Variants in REG4 observed in about 807,000 individuals in gnomAD.
REG4 encodes the protein regenerating family member 4.
In REG4, 16 loss-of-function variants were observed where a neutral mutation model predicts 22.3. That is an observed-to-expected ratio of 0.72 (90% CI 0.49 to 1.09). REG4 has a LOEUF of 1.09. REG4 is among the 50% of genes least tolerant of loss of function. The pLI is 0.00. For missense variants in REG4, 214 were observed against 193.9 expected, an observed-to-expected ratio of 1.10 and a Z score of -0.61; for synonymous variants, 71 against 69.2, an observed-to-expected ratio of 1.03 and a Z score of -0.13.
Position 119,802,600 on chromosome 1 carries a change from T to C in REG4, c.165+468A>G, listed in dbSNP as rs1654144465. The stretch of plus-strand genomic sequence containing the variant: ...ATAAAATGGACAGGTTTGTGGACTG[T>C]GTAGAGCAGCGGAAAAGTTTCCACA... On this transcript the variant is annotated intron_variant, in intron 3 of 5. Transcript: ENST00000256585. The C allele has an allele frequency of 1.3e-5, 17 of 1,325,548 alleles. No homozygotes were observed. The East Asian group carries it at 5.1e-4, about 40-fold the overall frequency. 82.1% of individuals were successfully genotyped at this position (1,325,548 alleles called of 1,614,324 possible).
chr1:119,794,160 C>T lies in REG4; in HGVS notation c.*458G>A, dbSNP rs1444311158. On this transcript the variant is annotated 3_prime_UTR_variant, in exon 6 of 6. Transcript: ENST00000256585. ...AGCAAGGATTCTACTGGTAAACCTT[C>T]CCATGGCCAAAGGAAAAACAAGCAG... The T allele has an allele frequency of 1.9e-6, 1 of 534,586 alleles. No homozygotes were observed. The highest frequency in any genetic ancestry group is 3.8e-6 in the Non-Finnish European group (1 of 260,906). 33.1% of individuals were successfully genotyped at this position (534,586 alleles called of 1,614,324 possible).
rs115128868 is a variant in REG4, at chr1:119,809,819, T to C, written c.-94-956A>G. Among the ~76,000 whole-genome samples the C allele has an allele frequency of 9.1e-3, 1,380 of 152,346 alleles. 4 individuals carry two copies. The highest frequency in any genetic ancestry group is 0.014 in the Non-Finnish European group (974 of 68,030). On this transcript the variant is annotated intron_variant, in intron 1 of 5. Coordinates refer to ENST00000256585, the MANE Select transcript of REG4 (RefSeq NM_032044.4). ...TAGGGCACTAAAAGGATTGGTTCCC[T>C]AAGCTCCCAGAGAATGCTTAATTTT...
At chr1:119,797,219 A>C (rs1259622161) in intron 5 of REG4, among the ~76,000 whole-genome samples, 4 of 152,128 alleles carry the variant, frequency 2.6e-5, no homozygotes, top group Admixed American at 2.0e-4. Flanking sequence ...CCTTGATTGG[A>C]GTAAAAATCC....
chr1:119,799,767 C>A lies in REG4; in HGVS notation c.261G>T (p.Gln87His), dbSNP rs772350964. 1.2e-6 allele frequency: 2 copies of A among 1,614,138 alleles called. No individual in the cohort carries two copies. The highest frequency in any genetic ancestry group is 1.7e-6 in the Non-Finnish European group (2 of 1,180,042). Reference protein sequence around the residue: ...STIAEYISGYQRSQPIWIGLH... With the variant: ...STIAEYISGYHRSQPIWIGLH... Reference sequence around the variant, plus strand: ...GGCCAATCCATATCGGCTGGCTTCTCTGATAGCCACTTATGTACTCTGCTA... The same window carrying A: ...GGCCAATCCATATCGGCTGGCTTCTATGATAGCCACTTATGTACTCTGCTA... Residue 87 changes from glutamine to histidine, a missense_variant, in exon 4 of 6, where the codon CAG (glutamine) becomes CAT (histidine). Coordinates refer to ENST00000256585, the MANE Select transcript of REG4 (RefSeq NM_032044.4).
Position 119,795,879 on chromosome 1 carries a change from C to A in REG4, c.410-1194G>T, listed in dbSNP as rs1557759088. Among the ~76,000 whole-genome samples the A allele has an allele frequency of 2.6e-5, 4 of 152,388 alleles. No homozygotes were observed. The Middle Eastern group carries it at 0.014, about 518-fold the overall frequency. ...ATGGGCCAGGCTTGAGACTGACTGT[C>A]TCATCAGCAGGTCCTTTTGAGGTTG... On this transcript the variant is annotated intron_variant, in intron 5 of 5. Coordinates refer to ENST00000256585, the MANE Select transcript of REG4 (RefSeq NM_032044.4).
At chr1:119,795,678 G>A (rs587642710) in intron 5 of REG4, among the ~76,000 whole-genome samples, 2 of 152,308 alleles carry the variant, frequency 1.3e-5, no homozygotes, top group African/African-American at 4.8e-5. Context: ...CTGGGGAGAG[G>A]AGGGGGTGAG....
intron 2 of REG4, among the ~76,000 whole-genome samples, chr1:119,805,547 G>GA (rs769119382): frequency 2.6e-5 from 4 of 152,046 alleles, no homozygotes; most frequent in Non-Finnish European, 4.4e-5. Flanking sequence ...ACACGCAGAG[G>GA]ACTTGGAAGA....
intron 5 of REG4, among the ~76,000 whole-genome samples, chr1:119,798,281 G>A (rs1422276271): frequency 6.6e-6 from 1 of 152,206 alleles, no homozygotes; most frequent in East Asian, 1.9e-4. Flanking sequence ...TAACAGAACA[G>A]CTGGTACATT....
chr1:119,803,497 C>A (rs1249971058), intron 2 of REG4, among the ~76,000 whole-genome samples: 1 of 152,190 alleles, frequency 6.6e-6, no homozygotes, highest in East Asian at 1.9e-4. Context: ...ATCTGCCTCA[C>A]AGTGGGTCCA....
chr1:119,810,541 C>CT (rs1557765418), intron 1 of REG4, among the ~76,000 whole-genome samples: 3 of 152,168 alleles, frequency 2.0e-5, no homozygotes, highest in Non-Finnish European at 4.4e-5. Flanking sequence ...CCCCTTACTT[C>CT]TTTTTAAATC....
intron 4 of REG4, among the ~76,000 whole-genome samples, chr1:119,799,060 C>A (rs1373900662): frequency 6.6e-6 from 1 of 151,984 alleles, no homozygotes; most frequent in African/African-American, 2.4e-5. Context: ...AGAGGTTGAA[C>A]GAATGTGTGG....
At chr1:119,802,898 G>T in intron 3 of REG4, 170 bp downstream of exon 3, 3 of 1,555,540 alleles carry the variant, frequency 1.9e-6, no homozygotes, top group East Asian at 2.4e-5. Context: ...AATGCTTACA[G>T]AATTGAATGA....
rs1464215421 is a variant in REG4 at position 119,809,127 on chromosome 1, C to T, written c.-94-264G>A. ...CAATTTGTAAACCACCGAGCACTCG[C>T]CCCTGTTAGCTTCAGGAGGGCCAGC... is the stretch of plus-strand genomic sequence containing the variant. On this transcript the variant is annotated intron_variant, in intron 1 of 5. Coordinates refer to ENST00000256585, the MANE Select transcript of REG4 (RefSeq NM_032044.4). The T allele has an allele frequency of 1.8e-5, 3 of 167,708 alleles. 1 individual carries two copies. In the East Asian group the frequency reaches 5.0e-4, roughly 28 times the overall value. The allele number at this position is 167,708 out of a possible 1,614,324, so 10.4% of individuals were successfully genotyped here.
intron 5 of REG4, among the ~76,000 whole-genome samples, chr1:119,797,351 A>G (rs587776116): frequency 3.3e-5 from 5 of 152,178 alleles, no homozygotes; most frequent in Admixed American, 3.3e-4. Context: ...ATGGCTGTTT[A>G]TCTCTGAGGG....
intron 5 of REG4, among the ~76,000 whole-genome samples, chr1:119,795,968 C>G (rs1466811338): frequency 6.6e-6 from 1 of 152,224 alleles, no homozygotes; most frequent in African/African-American, 2.4e-5. Context: ...CAGCCCAGCT[C>G]ACTATAGGCA....
Position 119,794,619 on chromosome 1 carries a change from T to A in REG4, c.476A>T (p.Ter159LeuextTer47). 6.2e-7 allele frequency: 1 copy of A among 1,613,954 alleles called. No individual in the cohort carries two copies. Among genetic ancestry groups the A allele is most frequent in the Non-Finnish European group, 8.5e-7 (1 of 1,179,772 alleles). Residue 159 changes from the stop codon to leucine, a stop_lost, in exon 6 of 6, where the codon TAG becomes TTG. Transcript: ENST00000256585. ...RQHFLCKYRP[*>L] is the part of the protein sequence containing the mutation. ...GTTAGCAGAATCTTGATTCTTGCTC[T>A]ATGGTCGGTACTTGCACAGGAAGTG...
intron 5 of REG4, among the ~76,000 whole-genome samples, chr1:119,795,133 A>C (rs1000947103): frequency 6.6e-6 from 1 of 152,196 alleles, no homozygotes; most frequent in East Asian, 1.9e-4. Flanking sequence ...CTGTCTCTCT[A>C]TATATACATC....
At chr1:119,809,941 T>C (rs1412227453) in intron 1 of REG4, among the ~76,000 whole-genome samples, 1 of 152,202 alleles carries the variant, frequency 6.6e-6, no homozygotes, top group African/African-American at 2.4e-5. Flanking sequence ...TTTTATATAA[T>C]GATTTGCTTT....
intron 2 of REG4, among the ~76,000 whole-genome samples, chr1:119,807,389 T>G (rs1475212334): frequency 6.6e-6 from 1 of 152,208 alleles, no homozygotes; most frequent in African/African-American, 2.4e-5. Context: ...GGACCTGTAG[T>G]GAATCTTGTG....
Sources: allele counts gnomAD v4.1 joint callset (sites outside exome capture counted in the v4.1 genomes callset), GRCh38; gene constraint gnomAD v4.1.1; transcripts MANE v1.5; gene names NCBI Gene and HGNC (gene_info 2026-07-23, HGNC 2026-07-21).